The following NEDD4L variants were observed in gnomAD, a reference collection of about 807,000 sequenced individuals.
NEDD4L encodes the protein NEDD4 like E3 ubiquitin protein ligase.
Under a neutral mutation model 148.9 loss-of-function variants are expected in NEDD4L, and 54 were observed. That is an observed-to-expected ratio of 0.36 (90% CI 0.29 to 0.45). The LOEUF (loss-of-function observed/expected upper bound fraction) is 0.45. Among genes scored for constraint, NEDD4L ranks in the 20% least tolerant of loss-of-function variants. The pLI is 1.00. For synonymous variants in NEDD4L, 433 were observed against 440.7 expected (o/e 0.98, Z 0.22); for missense variants, 856 against 1,233.8 (o/e 0.69, Z 4.59).
intron 3 of NEDD4L, among the ~76,000 whole-genome samples, chr18:58,246,940 G>A (rs1326243891): frequency 1.3e-5 from 2 of 152,076 alleles, no homozygotes; most frequent in South Asian, 2.1e-4. Flanking sequence ...TTTGGAGGCC[G>A]AGGCTGGCAG....
At chr18:58,155,835 T>C (rs900772096) in intron 1 of NEDD4L, among the ~76,000 whole-genome samples, 3 of 151,890 alleles carry the variant, frequency 2.0e-5, no homozygotes, top group Non-Finnish European at 4.4e-5. Context: ...GCTTTGGGAG[T>C]CTCTAGACAT....
chr18:58,372,085 T>C (rs1471982654), intron 23 of NEDD4L: 3 of 152,100 alleles, frequency 2.0e-5, no homozygotes, highest in Non-Finnish European at 4.4e-5. Context: ...CTTAAAACTA[T>C]TGGTATTTAC....
At chr18:58,209,780 C>G (rs1207755090) in intron 2 of NEDD4L, among the ~76,000 whole-genome samples, 1 of 151,932 alleles carries the variant, frequency 6.6e-6, no homozygotes, top group African/African-American at 2.4e-5. Context: ...TTATGTAAAT[C>G]CAATAGCTGG....
intron 5 of NEDD4L, among the ~76,000 whole-genome samples, chr18:58,276,689 T>C (rs964763159): frequency 1.9e-4 from 23 of 122,436 alleles, no homozygotes; most frequent in Middle Eastern, 8.0e-3. Context: ...ATAATAATAA[T>C]AATAATATTA....
At chr18:58,242,600 A>G (rs535950296) in intron 2 of NEDD4L, among the ~76,000 whole-genome samples, 38 of 152,218 alleles carry the variant, frequency 2.5e-4, no homozygotes, top group African/African-American at 8.7e-4. Context: ...TCCCAGGCTC[A>G]AGCAGTCCTC....
chr18:58,391,485 A>G lies in NEDD4L; in HGVS notation c.2753-2A>G. The G allele has an allele frequency of 6.4e-7, 1 of 1,572,742 alleles. No individual in the cohort carries two copies. The highest frequency in any genetic ancestry group is 8.6e-7 in the Non-Finnish European group (1 of 1,157,066). The stretch of plus-strand genomic sequence containing the variant: ...AACATTTCTTTTTCTTTTCTTGTCT[A>G]GGTTCCAATGGTCCTCAGCTGTTTA... On this transcript the variant is annotated splice_acceptor_variant, in intron 29 of 30. Coordinates refer to ENST00000400345, the MANE Select transcript of NEDD4L (RefSeq NM_001144967.3). LOFTEE classifies it high-confidence loss of function.
In NEDD4L at chr18:58,322,457, A is replaced by T. The variant is rs74704306; in HGVS notation, c.381A>T (p.Thr127=). 3 of 1,430,752 alleles carry T rather than the reference A, an allele frequency of 2.1e-6. No individual in the cohort carries two copies. In the African/African-American group the frequency reaches 4.4e-5, roughly 21 times the overall value. The allele number at this position is 1,430,752 out of a possible 1,614,324, so 88.6% of individuals were successfully genotyped here. A position where few individuals can be genotyped will look rare whatever the true frequency, so the allele number is the denominator to read the frequency against. The part of the protein sequence containing the change: ...TEDPTMERPY[T]FKDFLLRPRS... ...ATCCAACCATGGAGCGACCCTATAC[A>T]TTTAAGGACTTTCTCCTCAGACCAA... Residue 127 remains threonine (T), a synonymous_variant, in exon 7 of 31, where the codon ACA becomes ACT. Transcript: ENST00000400345.
chr18:58,311,105 A>G, intron 5 of NEDD4L, among the ~76,000 whole-genome samples: 1 of 151,654 alleles, frequency 6.6e-6, no homozygotes, highest in Non-Finnish European at 1.5e-5. Flanking sequence ...TCTGTAGTTG[A>G]GTGGCTTTCT....
chr18:58,355,036 C>T (rs116062092), intron 18 of NEDD4L, among the ~76,000 whole-genome samples: 1,793 of 152,236 alleles, frequency 0.012, 33 homozygotes, highest in African/African-American at 0.04. Context: ...GGTATCTGCC[C>T]GGTGTGGGGA....
chr18:58,118,782 A>T (rs2086027939), intron 1 of NEDD4L, among the ~76,000 whole-genome samples: 1 of 151,840 alleles, frequency 6.6e-6, no homozygotes, highest in Non-Finnish European at 1.5e-5. Context: ...ACTTTCTCCC[A>T]CTCTCCAGTG....
chr18:58,394,465 G>T (rs1285464018), intron 30 of NEDD4L, among the ~76,000 whole-genome samples: 3 of 152,256 alleles, frequency 2.0e-5, no homozygotes, highest in Admixed American at 6.5e-5. Context: ...CCCCCATAGG[G>T]ATTGCAGGCC....
At chr18:58,144,845 G>A (rs1166347692) in intron 1 of NEDD4L, among the ~76,000 whole-genome samples, 1 of 152,212 alleles carries the variant, frequency 6.6e-6, no homozygotes, top group Non-Finnish European at 1.5e-5. Context: ...AGAGTCCCTG[G>A]TACAGCATAA....
intron 5 of NEDD4L, chr18:58,314,620 TCTTA>T (rs1193454608): frequency 6.6e-6 from 1 of 152,206 alleles, no homozygotes; most frequent in Non-Finnish European, 1.5e-5. Context: ...GGGCACCTCC[TCTTA>T]CCGCTCTATG....
intron 2 of NEDD4L, chr18:58,195,832 A>G: frequency 2.9e-6 from 2 of 679,024 alleles, no homozygotes; most frequent in East Asian, 5.4e-5. Flanking sequence ...CTTTAACCCA[A>G]ATGTGCAGGA....
At chr18:58,044,854 C>G (rs1277814692) in intron 1 of NEDD4L, 146 bp downstream of exon 1, 9 of 992,618 alleles carry the variant, frequency 9.1e-6, no homozygotes, top group Non-Finnish European at 1.3e-5. Flanking sequence ...GGAGCGGGAT[C>G]CAGGGGAGCT....
intron 5 of NEDD4L, among the ~76,000 whole-genome samples, chr18:58,292,353 G>A (rs1291161879): frequency 6.6e-6 from 1 of 152,084 alleles, no homozygotes; most frequent in African/African-American, 2.4e-5. Flanking sequence ...CAGCCAGGTT[G>A]TCCTCTCCTG....
At position 58,330,865 on chromosome 18, in the gene NEDD4L, G is replaced by T; in HGVS notation, c.941G>T (p.Arg314Met). 3 of 1,613,934 alleles carry T rather than the reference G, an allele frequency of 1.9e-6. No homozygotes were observed. Among genetic ancestry groups the T allele is most frequent in the Non-Finnish European group, 2.5e-6 (3 of 1,179,868 alleles). Residue 314 changes from arginine to methionine, a missense_variant, in exon 11 of 31, where the codon AGG becomes ATG. By Grantham distance (91) the Arg-to-Met change is moderately conservative. This residue lies in a region of NEDD4L where 367 missense variants were observed against 422.7 expected (regional missense o/e 0.87). Transcript: ENST00000400345. Reference sequence around the variant, plus strand: ...GAGCTGTCAGAGGAACTAAGCAGAAGGCTTCAGATCACTCCAGACTCCAAT... The same window carrying T: ...GAGCTGTCAGAGGAACTAAGCAGAATGCTTCAGATCACTCCAGACTCCAAT... ...PQELSEELSR[R>M]LQITPDSNGE...
intron 1 of NEDD4L, among the ~76,000 whole-genome samples, chr18:58,143,668 C>T (rs1047670062): frequency 6.6e-6 from 1 of 152,120 alleles, no homozygotes; most frequent in Non-Finnish European, 1.5e-5. Flanking sequence ...GTCCATGTCC[C>T]CAGAGAGGCC....
intron 5 of NEDD4L, among the ~76,000 whole-genome samples, chr18:58,286,044 A>G (rs1244966547): frequency 6.6e-6 from 1 of 152,216 alleles, no homozygotes; most frequent in Non-Finnish European, 1.5e-5. Flanking sequence ...ATATTAGAGC[A>G]TTTTGCAAGT....
Sources: gnomAD v4.1 joint callset for allele counts (sites outside exome capture counted in the v4.1 genomes callset) on GRCh38, gnomAD v4.1.1 for gene constraint, gnomAD v4.1.1 regional missense constraint, MANE v1.5 for transcripts, NCBI Gene and HGNC (gene_info 2026-07-23, HGNC 2026-07-21) for gene names.